The following CYTH1 variants were observed in gnomAD, a reference collection of about 807,000 sequenced individuals.
CYTH1 encodes cytohesin 1.
A neutral mutation model predicts 61.8 loss-of-function variants in CYTH1; 18 were observed. The ratio of observed to expected loss-of-function variants is 0.29; its 90% CI spans 0.20 to 0.43. The LOEUF is 0.43. CYTH1 is among the 20% of genes least tolerant of loss of function. The probability of loss-of-function intolerance (pLI) is 1.00; values close to 1 mark genes in which losing one functional copy is unlikely to be tolerated. For synonymous variants in CYTH1, 174 were observed against 184.3 expected, an observed-to-expected ratio of 0.94 and a Z score of 0.45; for missense variants, 336 against 510.5, an observed-to-expected ratio of 0.66 and a Z score of 3.29.
intron 11 of CYTH1, among the ~76,000 whole-genome samples, chr17:78,685,203 C>CA (rs58642161): frequency 0.27 from 16,228 of 59,114 alleles, 1,932 homozygotes; most frequent in Non-Finnish European, 0.31. Flanking sequence ...GACTCTGTCT[C>CA]AAAAAAAAAA....
At chr17:78,692,588 TG>T in intron 10 of CYTH1, 95 bp from the exon 11 acceptor site, 2 of 1,179,534 alleles carry the variant, frequency 1.7e-6, no homozygotes. Context: ...CAGAGAGGGT[TG>T]GGGGAGAGGC....
At chr17:78,747,617 A>G (rs1006554656) in intron 1 of CYTH1, among the ~76,000 whole-genome samples, 6 of 152,040 alleles carry the variant, frequency 3.9e-5, no homozygotes, top group African/African-American at 1.2e-4. Flanking sequence ...CCACTAATCT[A>G]CTTTCTGCCT....
rs144859128 is a variant in CYTH1 at position 78,682,383 on chromosome 17, T to C, written c.892-1341A>G. 6.3e-3 allele frequency among the ~76,000 whole-genome samples: 956 copies of C among 152,354 alleles called. 3 individuals are homozygous for C. The highest frequency in any genetic ancestry group is 0.02 in the Middle Eastern group (6 of 294). On this transcript the variant is annotated intron_variant, in intron 11 of 13. Transcript: ENST00000446868. The stretch of plus-strand genomic sequence containing the variant: ...TCCTATTAATTTTCATTTCTTGAAG[T>C]AATCCTTCCTGGAGCCTCTGAAACC...
At chr17:78,761,691 T>C (rs1240287524) in intron 1 of CYTH1, among the ~76,000 whole-genome samples, 1 of 151,982 alleles carries the variant, frequency 6.6e-6, no homozygotes, top group Non-Finnish European at 1.5e-5. Flanking sequence ...TGAGACGAGA[T>C]CACGCCACTG....
chr17:78,687,465 C>T (rs929603393), intron 11 of CYTH1, among the ~76,000 whole-genome samples: 1 of 152,190 alleles, frequency 6.6e-6, no homozygotes, highest in Non-Finnish European at 1.5e-5. Flanking sequence ...CGATCTCAAG[C>T]AGTTGATCTT....
In CYTH1 at chr17:78,676,125, C is replaced by G; in HGVS notation, c.1163G>C (p.Arg388Pro). 1 of 1,611,252 alleles carries G rather than the reference C, an allele frequency of 6.2e-7. No homozygotes were observed. The highest frequency in any genetic ancestry group is 8.5e-7 in the Non-Finnish European group (1 of 1,178,944). Residue 388 changes from arginine (R) to proline (P), a missense_variant, in exon 14 of 14, where the codon CGG becomes CCG. Physicochemically the swap from Arg to Pro is moderately radical, Grantham distance 103. Transcript: ENST00000446868. Reference sequence around the variant, plus strand: ...CTTCGTGGAGGAGACCTTCTTTTTCCGTGCTGCGAGCATTTCGTAGAAAGG... The same window carrying G: ...CTTCGTGGAGGAGACCTTCTTTTTCGGTGCTGCGAGCATTTCGTAGAAAGG... ...RDPFYEMLAARKKKVSSTKRH is the reference protein window; with the variant it reads ...RDPFYEMLAAPKKKVSSTKRH
intron 13 of CYTH1, among the ~76,000 whole-genome samples, chr17:78,679,727 T>C (rs893850323): frequency 3.7e-4 from 57 of 152,220 alleles, no homozygotes; most frequent in African/African-American, 1.4e-3. Context: ...TCCCGGACCT[T>C]GGATCACGGT....
chr17:78,751,372 G>A (rs1447956772), intron 1 of CYTH1, among the ~76,000 whole-genome samples: 1 of 151,910 alleles, frequency 6.6e-6, no homozygotes, highest in East Asian at 1.9e-4. Flanking sequence ...TTCTCCATAA[G>A]GCACATCATG....
Position 78,700,968 on chromosome 17 carries a change from G to C in CYTH1, c.438-525C>G, listed in dbSNP as rs745628494. Among the ~76,000 whole-genome samples, 1 of 152,180 alleles carries C rather than the reference G, an allele frequency of 6.6e-6. No individual in the cohort carries two copies. Among genetic ancestry groups the C allele is most frequent in the Non-Finnish European group, 1.5e-5 (1 of 68,024 alleles). ...AAAGTAAAATTTTTCTTAGGAAAAA[G>C]TGAAAAATTAGGAGGGAAACAATCC... is the stretch of plus-strand genomic sequence containing the variant. On this transcript the variant is annotated intron_variant, in intron 6 of 13. Transcript: ENST00000446868. The surrounding 1 kb of genome is among the most constrained non-coding windows in gnomAD (Gnocchi z 5.1).
intron 1 of CYTH1, among the ~76,000 whole-genome samples, chr17:78,711,308 T>A (rs527884588): frequency 3.7e-4 from 51 of 138,976 alleles, no homozygotes; most frequent in African/African-American, 1.5e-3. Flanking sequence ...AAATAATATA[T>A]ATATATACAC....
At chr17:78,735,161 G>C (rs981116026) in intron 1 of CYTH1, among the ~76,000 whole-genome samples, 1 of 152,202 alleles carries the variant, frequency 6.6e-6, no homozygotes, top group Admixed American at 6.5e-5. Flanking sequence ...AAGCTGTTCA[G>C]TAATTCTACC....
chr17:78,767,662 A>G (rs2093454629), intron 1 of CYTH1, among the ~76,000 whole-genome samples: 1 of 152,222 alleles, frequency 6.6e-6, no homozygotes, highest in Non-Finnish European at 1.5e-5. Context: ...TGGCAAGAAA[A>G]AGAATCCAGT....
intron 1 of CYTH1, among the ~76,000 whole-genome samples, chr17:78,771,405 C>T (rs192557578): frequency 6.6e-6 from 1 of 152,010 alleles, no homozygotes; most frequent in Admixed American, 6.6e-5. Context: ...ACGCCACTGC[C>T]CTCCAACCTG....
At chr17:78,762,833 T>C (rs937246929) in intron 1 of CYTH1, among the ~76,000 whole-genome samples, 4 of 152,082 alleles carry the variant, frequency 2.6e-5, no homozygotes, top group Admixed American at 1.3e-4. Context: ...GGTAAGGAAG[T>C]AGATCTTTCC....
intron 1 of CYTH1, chr17:78,727,542 T>G (rs566824666): frequency 3.9e-5 from 14 of 362,466 alleles, no homozygotes; most frequent in South Asian, 2.2e-4. Context: ...CTTACCAGAG[T>G]TGCCCCGAGT....
chr17:78,765,062 C>A (rs1357659382), intron 1 of CYTH1, among the ~76,000 whole-genome samples: 1 of 152,064 alleles, frequency 6.6e-6, no homozygotes, highest in Non-Finnish European at 1.5e-5. Context: ...GGAAAAGCAT[C>A]CCTAGCACAG....
chr17:78,729,395 A>T (rs1382536153), intron 1 of CYTH1, among the ~76,000 whole-genome samples: 4 of 152,250 alleles, frequency 2.6e-5, no homozygotes, highest in Non-Finnish European at 1.5e-5. Context: ...ACACAGAAGA[A>T]GATGCTCACA....
chr17:78,704,326 G>A (rs71385981), intron 3 of CYTH1, among the ~76,000 whole-genome samples: 3,120 of 152,260 alleles, frequency 0.02, 94 homozygotes, highest in South Asian at 0.15. Context: ...ACCTCCTGCA[G>A]TAATTCTGGT....
At chr17:78,754,581 C>G (rs1299858557) in intron 1 of CYTH1, among the ~76,000 whole-genome samples, 5 of 152,024 alleles carry the variant, frequency 3.3e-5, no homozygotes, top group African/African-American at 4.8e-5. Context: ...TTCCTGGGCT[C>G]AAGCAATCCT....
Sources: gnomAD v4.1 joint callset for allele counts (sites outside exome capture counted in the v4.1 genomes callset) on GRCh38, gnomAD v4.1.1 for gene constraint, Gnocchi (gnomAD v3.1) non-coding constraint, MANE v1.5 for transcripts, NCBI Gene and HGNC (gene_info 2026-07-23, HGNC 2026-07-21) for gene names.